The following DNAH5 variants were observed in gnomAD, a reference collection of about 807,000 sequenced individuals.
DNAH5 encodes the protein dynein axonemal heavy chain 5, also known as axonemal beta dynein heavy chain 5.
In DNAH5, 372 loss-of-function variants were observed where a neutral mutation model predicts 518.2. The ratio of observed to expected loss-of-function variants is 0.72; its 90% CI spans 0.66 to 0.78. The LOEUF (loss-of-function observed/expected upper bound fraction) is 0.78. Among genes scored for constraint, DNAH5 ranks in the 30% least tolerant of loss-of-function variants. DNAH5 has a pLI of 0.00. For missense variants in DNAH5, 5,523 were observed against 5,687.0 expected, an observed-to-expected ratio of 0.97 and a Z score of 0.93; for synonymous variants, 2,039 against 2,025.9, an observed-to-expected ratio of 1.01 and a Z score of -0.17.
chr5:13,869,349 T>G (rs11743596), intron 24 of DNAH5, among the ~76,000 whole-genome samples: 59,541 of 151,696 alleles, frequency 0.39, 12,078 homozygotes, highest in South Asian at 0.46. Context: ...ACAATTAAAC[T>G]AGTCTCATTT....
chr5:13,799,609 G>A (rs905259699), intron 47 of DNAH5, among the ~76,000 whole-genome samples: 3 of 152,168 alleles, frequency 2.0e-5, no homozygotes, highest in East Asian at 3.9e-4. Context: ...TCCATTTTTA[G>A]AATTGTTGCA....
chr5:13,983,400 A>T (rs2152068576), intron 1 of DNAH5, among the ~76,000 whole-genome samples: 1 of 152,120 alleles, frequency 6.6e-6, no homozygotes, highest in East Asian at 1.9e-4. Context: ...ATAATCAAGG[A>T]CTCCAAAGAA....
At chr5:13,923,552 C>G in intron 3 of DNAH5, 112 bp from the exon 4 acceptor site, 1 of 1,173,840 alleles carries the variant, frequency 8.5e-7, no homozygotes, top group Non-Finnish European at 1.2e-6. Flanking sequence ...TGTCCATGTG[C>G]CTTAGATGGG....
chr5:13,770,631 G>A (rs1037082060), intron 56 of DNAH5, 118 bp downstream of exon 56: 11 of 880,024 alleles, frequency 1.2e-5, no homozygotes, highest in African/African-American at 9.8e-5. Context: ...CTGCCCTGCC[G>A]CCACAGCTAT....
chr5:13,941,671 A>G (rs1033175181), intron 1 of DNAH5, among the ~76,000 whole-genome samples: 9 of 152,212 alleles, frequency 5.9e-5, no homozygotes, highest in Non-Finnish European at 1.2e-4. Context: ...TCTCGGCGGG[A>G]GAGGGAGGTG....
chr5:13,839,229 T>C (rs1300543777), intron 35 of DNAH5, 127 bp downstream of exon 35: 1 of 833,510 alleles, frequency 1.2e-6, no homozygotes, highest in Non-Finnish European at 1.9e-6. Context: ...ATAATAAAGC[T>C]AAAAATACTA....
At position 13,747,364 on chromosome 5, in the gene DNAH5, T is replaced by G. The variant is rs564971316; in HGVS notation, c.11211+3714A>C. ...CAATAAACATACGTGTGCATGTATC[T>G]TTATAGCAGCATGATTTATAATCCT... On this transcript the variant is annotated intron_variant, in intron 65 of 78. Transcript: ENST00000265104. Among the ~76,000 whole-genome samples the G allele has an allele frequency of 5.9e-5, 9 of 152,330 alleles. No homozygotes were observed. In the South Asian group the frequency reaches 1.9e-3, roughly 32 times the overall value.
At chr5:14,006,149 G>A (rs753552339) in intron 1 of DNAH5, among the ~76,000 whole-genome samples, 8 of 152,074 alleles carry the variant, frequency 5.3e-5, no homozygotes, top group Non-Finnish European at 1.2e-4. Flanking sequence ...CCAGACCTTC[G>A]CTCTGAATGA....
At chr5:13,705,077 C>T (rs1303400964) in intron 76 of DNAH5, among the ~76,000 whole-genome samples, 6 of 151,930 alleles carry the variant, frequency 3.9e-5, no homozygotes, top group South Asian at 2.1e-4. Context: ...CTGCAGGTTC[C>T]GCCTCCCAGG....
chr5:13,975,658 T>C (rs1379963384), intron 1 of DNAH5, among the ~76,000 whole-genome samples: 1 of 152,238 alleles, frequency 6.6e-6, no homozygotes, highest in Non-Finnish European at 1.5e-5. Context: ...CAGCCTTATA[T>C]AAAATTCTGT....
At chr5:13,953,880 G>C (rs1352706643) in intron 1 of DNAH5, among the ~76,000 whole-genome samples, 1 of 152,052 alleles carries the variant, frequency 6.6e-6, no homozygotes. Flanking sequence ...GCTAATTTTT[G>C]TATTTTTGGT....
Position 13,707,745 on chromosome 5 carries a change from G to A in DNAH5, c.13338+378C>T, listed in dbSNP as rs1436494348. 6.6e-6 allele frequency among the ~76,000 whole-genome samples: 1 copy of A among 151,994 alleles called. No individual in the cohort carries two copies. On this transcript the variant is annotated intron_variant, in intron 76 of 78. Transcript: ENST00000265104. This position sits in a 1 kb window ranked among gnomAD's most constrained non-coding sequence, Gnocchi z 4.0. ...TAGGGTGAGGCATGTTTCCTTCTAT[G>A]AAACCAACATCATGGACTTTGGAGT... is the stretch of plus-strand genomic sequence containing the variant.
chr5:13,879,393 A>G (rs76721920), intron 21 of DNAH5, among the ~76,000 whole-genome samples: 2,125 of 152,260 alleles, frequency 0.014, 49 homozygotes, highest in African/African-American at 0.047. Flanking sequence ...TAGTAAGCCT[A>G]TTGTAAAGTT....
At chr5:13,716,429 C>T (rs1177416447) in intron 74 of DNAH5, 58 bp downstream of exon 74, 1 of 1,292,594 alleles carries the variant, frequency 7.7e-7, no homozygotes, top group African/African-American at 1.5e-5. Context: ...AATTAATACC[C>T]AAAACTCAAG....
chr5:13,859,816 A>G (rs1201374927), intron 29 of DNAH5, among the ~76,000 whole-genome samples: 3 of 152,174 alleles, frequency 2.0e-5, no homozygotes, highest in Non-Finnish European at 4.4e-5. Flanking sequence ...TCCAGAGCAT[A>G]GAGAAGGGTG....
intron 17 of DNAH5, 46 bp downstream of exon 17, chr5:13,890,930 T>C (rs1426921182): frequency 1.2e-6 from 2 of 1,611,360 alleles, no homozygotes; most frequent in Non-Finnish European, 1.7e-6. Flanking sequence ...TATAGGAAAA[T>C]GAATCACCAA....
chr5:13,748,029 T>C (rs1749654147), intron 65 of DNAH5, among the ~76,000 whole-genome samples: 1 of 152,224 alleles, frequency 6.6e-6, no homozygotes, highest in Non-Finnish European at 1.5e-5. Context: ...ATTGAAGTCT[T>C]TAATCCATCT....
chr5:13,781,680 G>T (rs567087183), intron 52 of DNAH5, among the ~76,000 whole-genome samples: 2 of 151,364 alleles, frequency 1.3e-5, no homozygotes, highest in Non-Finnish European at 2.9e-5. Context: ...AGTGCCTTTC[G>T]CCTCCCACCG....
chr5:13,852,483 C>T (rs79777423), intron 30 of DNAH5, among the ~76,000 whole-genome samples: 8 of 150,142 alleles, frequency 5.3e-5, no homozygotes, highest in East Asian at 2.0e-4. Context: ...TTTTTTTTTT[C>T]GTACCCTAGT....
Sources: allele counts gnomAD v4.1 joint callset (sites outside exome capture counted in the v4.1 genomes callset), GRCh38; gene constraint gnomAD v4.1.1; non-coding constraint Gnocchi (gnomAD v3.1); transcripts MANE v1.5; gene names NCBI Gene and HGNC (gene_info 2026-07-23, HGNC 2026-07-21).